WBP11: variants seen among roughly 807,000 people sequenced by gnomAD.
WBP11 encodes the protein WW domain-binding protein 11.
A neutral mutation model predicts 66.7 loss-of-function variants in WBP11; 12 were observed. The observed-to-expected ratio is 0.18, with a 90% CI of 0.12 to 0.29. The LOEUF (loss-of-function observed/expected upper bound fraction) is 0.29. Among genes scored for constraint, WBP11 ranks in the 10% least tolerant of loss-of-function variants. WBP11 has a pLI of 1.00. For missense variants in WBP11, 555 were observed against 818.3 expected (o/e 0.68, Z 3.93); for synonymous variants, 255 against 273.8 (o/e 0.93, Z 0.68).
chr12:14,787,180 G>C lies in WBP11; in HGVS notation c.1811C>G (p.Ser604Cys), dbSNP rs907783437. Residue 604 changes from serine (S) to cysteine (C), a missense_variant, in exon 12 of 12, where the codon TCT becomes TGT. Ser to Cys is a moderately radical substitution (Grantham distance 112, BLOSUM62 -1). Around this residue, in one of 6 missense-constraint regions of WBP11, gnomAD observed 50 missense variants for 68.3 expected, o/e 0.73. Coordinates refer to ENST00000261167, the MANE Select transcript of WBP11 (RefSeq NM_016312.3). Reference sequence around the variant, plus strand: ...TGCTGCTTTGGCAAGAGGCACAGCAGAATCATCCTCTGACTTTCTTTGGGG... The same window carrying C: ...TGCTGCTTTGGCAAGAGGCACAGCACAATCATCCTCTGACTTTCTTTGGGG... ...AAPQRKSEDD[S>C]AVPLAKAAPK... 1.9e-6 allele frequency: 3 copies of C among 1,613,954 alleles called. No homozygotes were observed. Among genetic ancestry groups the C allele is most frequent in the East Asian group, 2.2e-5 (1 of 44,874 alleles).
chr12:14,800,238 G>A (rs1219333584), intron 3 of WBP11, among the ~76,000 whole-genome samples: 5 of 151,874 alleles, frequency 3.3e-5, no homozygotes, highest in African/African-American at 1.2e-4. Context: ...AATACTATAA[G>A]GCAAATCCTT....
intron 4 of WBP11, among the ~76,000 whole-genome samples, chr12:14,798,330 G>A (rs1949916203): frequency 6.6e-6 from 1 of 152,050 alleles, no homozygotes; most frequent in African/African-American, 2.4e-5. Context: ...CTGTATAATA[G>A]GGACAGTGCA....
Position 14,794,682 on chromosome 12 carries a change from A to G in WBP11, c.576T>C (p.Arg192=). 6.2e-7 allele frequency: 1 copy of G among 1,607,866 alleles called. No individual in the cohort carries two copies. Among genetic ancestry groups the G allele is most frequent in the Non-Finnish European group, 8.5e-7 (1 of 1,176,860 alleles). ...ILPLLGHGVP[R]LPPGRKPPGP... ...CAGGAGGTTTTCTGCCAGGGGGCAA[A>G]CGTGGAACACCATGTCCAAGAAGAG... is the stretch of plus-strand genomic sequence containing the variant. The change falls in exon 7 of 12, where the codon CGT becomes CGC. Residue 192 remains arginine, a synonymous_variant. Transcript: ENST00000261167.
intron 1 of WBP11, among the ~76,000 whole-genome samples, chr12:14,803,150 C>T (rs1949990855): frequency 6.6e-6 from 1 of 152,158 alleles, no homozygotes; most frequent in African/African-American, 2.4e-5. Context: ...GCGGCCCCAA[C>T]CGACCCGGGC....
intron 8 of WBP11, among the ~76,000 whole-genome samples, chr12:14,791,690 CAT>C (rs751845802): frequency 6.6e-6 from 1 of 152,176 alleles, no homozygotes; most frequent in Non-Finnish European, 1.5e-5. Flanking sequence ...GCAAGTTACA[CAT>C]GTTTATAGCA....
rs535467966 is a variant in WBP11, at chr12:14,786,305, A to C, written c.*760T>G. On this transcript the variant is annotated 3_prime_UTR_variant, in exon 12 of 12. Coordinates refer to ENST00000261167, the MANE Select transcript of WBP11 (RefSeq NM_016312.3). ...ATGACAATCTTAAAAAAGGGAAATA[A>C]TTACTCCTTTTTATCCCTTAAAATT... 6.6e-6 allele frequency: 1 copy of C among 152,272 alleles called. No individual in the cohort carries two copies. The highest frequency in any genetic ancestry group is 1.5e-5 in the Non-Finnish European group (1 of 67,990). The allele number at this position is 152,272 out of a possible 1,614,324, so 9.4% of individuals were successfully genotyped here. A position where few individuals can be genotyped will look rare whatever the true frequency, so the allele number is the denominator to read the frequency against.
chr12:14,790,569 G>T lies in WBP11; in HGVS notation c.1196C>A (p.Pro399His). Reference sequence around the variant, plus strand: ...CATGGGAGGTGCTTGTATCTGAGAAGGAGGAACAGACTGCGGCGGAGCCTG... The same window carrying T: ...CATGGGAGGTGCTTGTATCTGAGAATGAGGAACAGACTGCGGCGGAGCCTG... ...QQQAPPQSVP[P>H]SQIQAPPMPG... The change falls in exon 10 of 12, where the codon CCT becomes CAT. Residue 399 changes from proline to histidine, a missense_variant. By Grantham distance (77) the Pro-to-His change is moderately conservative. Transcript: ENST00000261167. 6.2e-7 allele frequency: 1 copy of T among 1,613,992 alleles called. No individual in the cohort carries two copies. The highest frequency in any genetic ancestry group is 8.5e-7 in the Non-Finnish European group (1 of 1,179,866).
rs767950397 is a variant in WBP11 at position 14,790,462 on chromosome 12, G to A, written c.1303C>T (p.Pro435Ser). Residue 435 changes from proline (P) to serine (S), a missense_variant, in exon 10 of 12, where the codon CCT becomes TCT. By Grantham distance (74) the Pro-to-Ser change is moderately conservative. Coordinates refer to ENST00000261167, the MANE Select transcript of WBP11 (RefSeq NM_016312.3). Reference sequence around the variant, plus strand: ...ACATTATGTAAGTGTTTACCTGGAGGTGGACCAGGAGGAAGGCCTGTAGGT... The same window carrying A: ...ACATTATGTAAGTGTTTACCTGGAGATGGACCAGGAGGAAGGCCTGTAGGT... ...GPPTGLPPGP[P>S]PGAPPFLRPP... 1.2e-6 allele frequency: 2 copies of A among 1,613,686 alleles called. No homozygotes were observed. Among genetic ancestry groups the A allele is most frequent in the Middle Eastern group, 1.7e-4 (1 of 6,044 alleles).
chr12:14,789,561 G>C (rs945178144), intron 10 of WBP11, among the ~76,000 whole-genome samples: 1 of 152,092 alleles, frequency 6.6e-6, no homozygotes, highest in African/African-American at 2.4e-5. Flanking sequence ...CTCCAGCCTG[G>C]GTGACAGAAC....
In WBP11 at chr12:14,791,216, T is replaced by A; in HGVS notation, c.968A>T (p.Asn323Ile). The A allele has an allele frequency of 6.2e-7, 1 of 1,614,098 alleles. No homozygotes were observed. The highest frequency in any genetic ancestry group is 8.5e-7 in the Non-Finnish European group (1 of 1,179,992). The change falls in exon 9 of 12, where the codon AAC (asparagine) becomes ATC (isoleucine). Residue 323 changes from asparagine to isoleucine, a missense_variant. By Grantham distance (149) the Asn-to-Ile change is moderately radical (BLOSUM62 -3). This residue lies in a region of WBP11 where 220 missense variants were observed against 268.2 expected (regional missense o/e 0.82). Transcript: ENST00000261167. ...TTGAAGAGGAGTCAGTTCCTTCATGTTCTTCTTTTTCTTCCTTGATTTTCC... is the reference window on the plus strand; with the variant it reads ...TTGAAGAGGAGTCAGTTCCTTCATGATCTTCTTTTTCTTCCTTGATTTTCC... ...MPGKSRKKKK[N>I]MKELTPLQAM...
intron 10 of WBP11, among the ~76,000 whole-genome samples, chr12:14,790,002 A>C (rs1949802773): frequency 6.6e-6 from 1 of 152,234 alleles, no homozygotes; most frequent in Admixed American, 6.5e-5. Flanking sequence ...TAATAAACAG[A>C]CTAATCACCT....
At chr12:14,789,203 A>G (rs1949792731) in intron 10 of WBP11, 70 bp from the exon 11 acceptor site, 11 of 1,376,666 alleles carry the variant, frequency 8.0e-6, no homozygotes, top group African/African-American at 3.0e-5. Flanking sequence ...GCTTAAAAGT[A>G]ACTCAAATAT....
chr12:14,790,893 T>G (rs1949814440), intron 9 of WBP11, 144 bp from the exon 10 acceptor site: 1 of 853,246 alleles, frequency 1.2e-6, no homozygotes, highest in Non-Finnish European at 1.8e-6. Flanking sequence ...TACTTAGATG[T>G]GAAAGAAATA....
intron 4 of WBP11, among the ~76,000 whole-genome samples, chr12:14,797,621 A>C (rs375727484): frequency 2.0e-5 from 3 of 152,328 alleles, no homozygotes; most frequent in Admixed American, 1.3e-4. Context: ...CTGCCTGGTC[A>C]ATCATATCCC....
At chr12:14,800,512 T>G (rs1002474405) in intron 3 of WBP11, among the ~76,000 whole-genome samples, 1 of 152,096 alleles carries the variant, frequency 6.6e-6, no homozygotes, top group African/African-American at 2.4e-5. Context: ...TCAAAAGTAT[T>G]TTTTAACTCA....
intron 4 of WBP11, among the ~76,000 whole-genome samples, chr12:14,798,571 T>C (rs775963496): frequency 1.3e-5 from 2 of 152,196 alleles, no homozygotes; most frequent in African/African-American, 2.4e-5. Flanking sequence ...ACAACTGAAC[T>C]GGGAAATATC....
chr12:14,795,393 A>G (rs976942337), intron 5 of WBP11, among the ~76,000 whole-genome samples: 1 of 152,188 alleles, frequency 6.6e-6, no homozygotes. Context: ...GCCAACTGTT[A>G]CAAGTATCTA....
At position 14,790,617 on chromosome 12, in the gene WBP11, G is replaced by A. The variant is rs148994715; in HGVS notation, c.1148C>T (p.Thr383Ile). Reference protein sequence around the residue: ...QHKEESHSDGTSTASSQQQAP... With the variant: ...QHKEESHSDGISTASSQQQAP... ...CTGCTGCTGTGAAGAAGCAGTGGATGTGCCATCAGAATGGGATTCCTCTTT... is the reference window on the plus strand; with the variant it reads ...CTGCTGCTGTGAAGAAGCAGTGGATATGCCATCAGAATGGGATTCCTCTTT... The change falls in exon 10 of 12, where the codon ACA becomes ATA. Residue 383 changes from threonine (T) to isoleucine (I), a missense_variant. Around this residue, in one of 6 missense-constraint regions of WBP11, gnomAD observed 230 missense variants for 286.3 expected, o/e 0.80. Transcript: ENST00000261167. 9,114 of 1,614,082 alleles carry A rather than the reference G, an allele frequency of 5.6e-3. 27 individuals carry two copies. Among genetic ancestry groups the A allele is most frequent in the Admixed American group, 6.7e-3 (404 of 60,022 alleles).
chr12:14,794,777 A>G, intron 6 of WBP11, 41 bp from the exon 7 acceptor site: 1 of 1,532,652 alleles, frequency 6.5e-7, no homozygotes, highest in Non-Finnish European at 8.7e-7. Flanking sequence ...CCCCCACAGT[A>G]ATCACTTAAC....
Sources: allele counts gnomAD v4.1 joint callset (sites outside exome capture counted in the v4.1 genomes callset), GRCh38; gene constraint gnomAD v4.1.1; regional missense constraint gnomAD v4.1.1; transcripts MANE v1.5; gene names NCBI Gene and HGNC (gene_info 2026-07-23, HGNC 2026-07-21).